The following SCARA5 variants were observed in gnomAD, a reference collection of about 807,000 sequenced individuals.
The protein encoded by SCARA5 is scavenger receptor class A, member 5 (putative).
In SCARA5, 45 loss-of-function variants were observed where a neutral mutation model predicts 46.3. The observed-to-expected ratio is 0.97, with a 90% CI of 0.76 to 1.24. The LOEUF (loss-of-function observed/expected upper bound fraction) is 1.24, where lower values mean the gene tolerates loss of function less well. Ranked by LOEUF, SCARA5 falls within the 50% of genes most tolerant of loss-of-function variation. The probability of loss-of-function intolerance (pLI) is 0.00; values close to 1 mark genes in which losing one functional copy is unlikely to be tolerated. For missense variants in SCARA5, 680 were observed against 689.0 expected, an observed-to-expected ratio of 0.99 and a Z score of 0.15; for synonymous variants, 333 against 306.5, an observed-to-expected ratio of 1.09 and a Z score of -0.90.
At chr8:27,915,208 A>G (rs1453466472) in intron 4 of SCARA5, among the ~76,000 whole-genome samples, 1 of 152,070 alleles carries the variant, frequency 6.6e-6, no homozygotes, top group African/African-American at 2.4e-5. Context: ...CATTTAAGGC[A>G]TCTCTCTGTG....
chr8:27,930,220 T>C (rs951214652), intron 3 of SCARA5, among the ~76,000 whole-genome samples: 2 of 152,144 alleles, frequency 1.3e-5, no homozygotes, highest in Admixed American at 1.3e-4. Context: ...AATTGAATCA[T>C]GGGGAACGGT....
In SCARA5 at chr8:27,902,583, G is replaced by T. The variant is rs142301672; in HGVS notation, c.1153+2195C>A. On this transcript the variant is annotated intron_variant, in intron 7 of 8. Transcript: ENST00000354914. ...CAAGAGCCCCTCTGGCATGCGGGCA[G>T]TGTTTCTGATCTCAAAGCCATCTTT... 5.0e-3 allele frequency among the ~76,000 whole-genome samples: 768 copies of T among 152,334 alleles called. 6 individuals are homozygous for T. Among genetic ancestry groups the T allele is most frequent in the African/African-American group, 0.017 (700 of 41,580 alleles).
chr8:27,942,241 C>A (rs1370220466), intron 3 of SCARA5, among the ~76,000 whole-genome samples: 3 of 152,156 alleles, frequency 2.0e-5, no homozygotes, highest in Non-Finnish European at 2.9e-5. Flanking sequence ...AGAGTATGTT[C>A]CACGTGCCTT....
chr8:27,935,376 G>T (rs1807838265), intron 3 of SCARA5, among the ~76,000 whole-genome samples: 1 of 152,096 alleles, frequency 6.6e-6, no homozygotes, highest in African/African-American at 2.4e-5. Flanking sequence ...CCAACAGGGG[G>T]GTTAGCAAGA....
chr8:27,880,857 GAAAAAA>G (rs71222524), intron 7 of SCARA5, among the ~76,000 whole-genome samples: 5 of 94,820 alleles, frequency 5.3e-5, no homozygotes, highest in Non-Finnish European at 7.6e-5. Context: ...CCTGTCTAAG[GAAAAAA>G]AAAAAAAAAA....
intron 2 of SCARA5, among the ~76,000 whole-genome samples, chr8:27,977,624 C>T (rs1585524431): frequency 6.6e-6 from 1 of 152,202 alleles, no homozygotes; most frequent in African/African-American, 2.4e-5. Context: ...AGAACTTTCC[C>T]TCTCCTTCCT....
chr8:27,904,760 C>G lies in SCARA5; in HGVS notation c.1153+18G>C. ...TGTGCCAACACCATATCCCACGGCCCCAGCAGAATGTCCTTACTGGCATCC... is the reference window on the plus strand; with the variant it reads ...TGTGCCAACACCATATCCCACGGCCGCAGCAGAATGTCCTTACTGGCATCC... On this transcript the variant is annotated intron_variant, in intron 7 of 8. Transcript: ENST00000354914. 6.2e-7 allele frequency: 1 copy of G among 1,611,800 alleles called. No individual in the cohort carries two copies.
At chr8:27,969,949 A>G (rs1042551746) in intron 2 of SCARA5, among the ~76,000 whole-genome samples, 5 of 152,206 alleles carry the variant, frequency 3.3e-5, no homozygotes, top group African/African-American at 1.2e-4. Context: ...CAGCCTTCAA[A>G]ATAGCCCCCA....
chr8:27,957,884 T>C (rs1416346588), intron 3 of SCARA5, among the ~76,000 whole-genome samples: 1 of 152,208 alleles, frequency 6.6e-6, no homozygotes, highest in Non-Finnish European at 1.5e-5. Flanking sequence ...GGTTGGCAAA[T>C]GGTTTTCTTG....
At chr8:27,899,832 G>T (rs1231781638) in intron 7 of SCARA5, among the ~76,000 whole-genome samples, 1 of 152,194 alleles carries the variant, frequency 6.6e-6, no homozygotes, top group Non-Finnish European at 1.5e-5. Flanking sequence ...TGGTGGACAT[G>T]AACTTACTCT....
chr8:27,898,959 A>G (rs1111618), intron 7 of SCARA5, among the ~76,000 whole-genome samples: 147,751 of 152,300 alleles, frequency 0.97, 71,848 homozygotes, highest in East Asian at 1. Flanking sequence ...GAAGCTCTGC[A>G]CCCCATCCCC....
In SCARA5 at chr8:27,905,019, C is replaced by T. The variant is rs74867457; in HGVS notation, c.1097-185G>A. On this transcript the variant is annotated intron_variant, in intron 6 of 8. Transcript: ENST00000354914. ...ATTCTGCCATCTGCCCTGGGTACCCCAAGAAGGAGGAGGCATGAGTGAGAA... is the reference window on the plus strand; with the variant it reads ...ATTCTGCCATCTGCCCTGGGTACCCTAAGAAGGAGGAGGCATGAGTGAGAA... 0.013 allele frequency among the ~76,000 whole-genome samples: 2,010 copies of T among 152,136 alleles called. 53 individuals are homozygous for T. Among genetic ancestry groups the T allele is most frequent in the African/African-American group, 0.046 (1,890 of 41,472 alleles).
At chr8:27,926,448 G>T (rs1036464738) in intron 3 of SCARA5, among the ~76,000 whole-genome samples, 1 of 146,108 alleles carries the variant, frequency 6.8e-6, no homozygotes, top group African/African-American at 2.8e-5. Flanking sequence ...GGCCTGTCAG[G>T]GGGTGGGGGA....
chr8:27,927,658 A>G (rs1396247312), intron 3 of SCARA5, among the ~76,000 whole-genome samples: 7 of 152,154 alleles, frequency 4.6e-5, no homozygotes, highest in Non-Finnish European at 8.8e-5. Flanking sequence ...ATCATGGTAA[A>G]TAAACGCAGA....
intron 7 of SCARA5, among the ~76,000 whole-genome samples, chr8:27,892,580 C>T (rs1284966191): frequency 6.7e-6 from 1 of 149,570 alleles, no homozygotes; most frequent in African/African-American, 2.5e-5. Flanking sequence ...CACCATAGGC[C>T]AGAAGTGACC....
intron 3 of SCARA5, among the ~76,000 whole-genome samples, chr8:27,934,263 G>T (rs10104221): frequency 0.54 from 82,641 of 151,908 alleles, 23,421 homozygotes; most frequent in Middle Eastern, 0.72. Context: ...GGAAGGGCTA[G>T]GAGAGCTAGG....
At chr8:27,973,111 C>T (rs1320581310) in intron 2 of SCARA5, among the ~76,000 whole-genome samples, 3 of 152,122 alleles carry the variant, frequency 2.0e-5, no homozygotes, top group East Asian at 1.9e-4. Flanking sequence ...TTACATTCGC[C>T]GTATGCAAAT....
At chr8:27,954,184 T>C (rs1213055225) in intron 3 of SCARA5, among the ~76,000 whole-genome samples, 2 of 152,074 alleles carry the variant, frequency 1.3e-5, no homozygotes, top group African/African-American at 4.8e-5. Flanking sequence ...CCCTCTGCTG[T>C]CAGGGACCTT....
chr8:27,933,834 C>T (rs1807814558), intron 3 of SCARA5, among the ~76,000 whole-genome samples: 1 of 151,902 alleles, frequency 6.6e-6, no homozygotes, highest in Non-Finnish European at 1.5e-5. Context: ...CTTAGGCAGT[C>T]ATCAAAATCA....
Sources: allele counts gnomAD v4.1 joint callset (sites outside exome capture counted in the v4.1 genomes callset), GRCh38; gene constraint gnomAD v4.1.1; transcripts MANE v1.5; gene names NCBI Gene and HGNC (gene_info 2026-07-23, HGNC 2026-07-21).